Variants in DLGAP2 observed in about 807,000 individuals in gnomAD.
DLGAP2 encodes the protein disks large-associated protein 2.
DLGAP2 carries 26 observed loss-of-function variants against 100.3 expected under a neutral mutation model. That is an observed-to-expected ratio of 0.26 (90% confidence interval 0.19 to 0.36). The LOEUF (loss-of-function observed/expected upper bound fraction) is 0.36, where lower values mean the gene tolerates loss of function less well. Among genes scored for constraint, DLGAP2 ranks in the 10% least tolerant of loss-of-function variants. The pLI, the probability that DLGAP2 is intolerant of heterozygous loss-of-function variation, is 1.00. For synonymous variants in DLGAP2, 886 were observed against 630.1 expected, an observed-to-expected ratio of 1.41 and a Z score of -6.08; for missense variants, 1,858 against 1,453.2, an observed-to-expected ratio of 1.28 and a Z score of -4.53.
At position 1,279,312 on chromosome 8, in the gene DLGAP2, A is replaced by C. The variant is rs76861922; in HGVS notation, c.106+20429A>C. On this transcript the variant is annotated intron_variant, in intron 3 of 14. Transcript: ENST00000637795. ...TTCTTCACCTCAATTTCAATCCAAT[A>C]AAATTTTATAATTGCCTGCCATGAA... Among the ~76,000 whole-genome samples the C allele has an allele frequency of 7.4e-3, 1,120 of 152,342 alleles. 44 individuals carry two copies. The highest frequency in any genetic ancestry group is 0.061 in the Admixed American group (929 of 15,306).
intron 2 of DLGAP2, among the ~76,000 whole-genome samples, chr8:1,168,194 C>G (rs1040547481): frequency 6.6e-6 from 1 of 151,760 alleles, no homozygotes; most frequent in Non-Finnish European, 1.5e-5. Context: ...ATCCATGTCC[C>G]TAGAAAGGAC....
chr8:763,710 G>T (rs62485574), intron 1 of DLGAP2, among the ~76,000 whole-genome samples: 1 of 151,450 alleles, frequency 6.6e-6, no homozygotes, highest in East Asian at 1.9e-4. Context: ...TGTGTCCTTC[G>T]TCTCAAAGAC....
intron 2 of DLGAP2, among the ~76,000 whole-genome samples, chr8:1,143,237 G>T (rs547861960): frequency 4.7e-4 from 71 of 152,296 alleles, no homozygotes; most frequent in African/African-American, 1.7e-3. Context: ...CAATGTGCTG[G>T]AAAGGACAGA....
At chr8:1,122,751 T>C (rs921601970) in intron 2 of DLGAP2, among the ~76,000 whole-genome samples, 2 of 152,168 alleles carry the variant, frequency 1.3e-5, no homozygotes, top group African/African-American at 2.4e-5. Flanking sequence ...TCCCTTCATC[T>C]TCTTTTTTCT....
At chr8:1,680,804 A>G (rs1472995000) in intron 12 of DLGAP2, 1 of 152,258 alleles carries the variant, frequency 6.6e-6, no homozygotes, top group African/African-American at 2.4e-5. Context: ...TGTCTTAATT[A>G]TAAAAGGGAT....
At chr8:1,505,592 G>A (rs1799879461) in intron 4 of DLGAP2, among the ~76,000 whole-genome samples, 1 of 152,194 alleles carries the variant, frequency 6.6e-6, no homozygotes, top group African/African-American at 2.4e-5. Context: ...GGGGAAAATG[G>A]CTGTGAAATA....
rs116563269 is a variant in DLGAP2 at position 766,220 on chromosome 8, A to G, written c.18+28395A>G. On this transcript the variant is annotated intron_variant, in intron 1 of 14. Transcript: ENST00000637795. ...AATCCACACAACTCACATACATGCA[A>G]TCACACACAGCTGCACATACGTGCA... Among the ~76,000 whole-genome samples the G allele has an allele frequency of 5.4e-3, 827 of 152,296 alleles. 11 individuals carry two copies. The highest frequency in any genetic ancestry group is 0.018 in the African/African-American group (767 of 41,556).
chr8:1,067,096 GC>G (rs1308609792), intron 2 of DLGAP2, among the ~76,000 whole-genome samples: 2 of 152,100 alleles, frequency 1.3e-5, no homozygotes, highest in African/African-American at 4.8e-5. Flanking sequence ...TGGGTGGGTG[GC>G]TCTGACCCAG....
intron 2 of DLGAP2, among the ~76,000 whole-genome samples, chr8:1,241,985 T>C (rs948982051): frequency 2.6e-5 from 4 of 152,194 alleles, no homozygotes; most frequent in Non-Finnish European, 5.9e-5. Flanking sequence ...TGGCCCGAGA[T>C]GGTCTCTGAG....
intron 2 of DLGAP2, among the ~76,000 whole-genome samples, chr8:916,145 C>G (rs571280587): frequency 1.3e-5 from 2 of 152,216 alleles, no homozygotes; most frequent in Non-Finnish European, 2.9e-5. Flanking sequence ...TGTAGACGCT[C>G]CGCACTCTCT....
At chr8:1,045,503 A>G (rs1802490226) in intron 2 of DLGAP2, among the ~76,000 whole-genome samples, 1 of 152,152 alleles carries the variant, frequency 6.6e-6, no homozygotes, top group Non-Finnish European at 1.5e-5. Context: ...CTTGGATGAA[A>G]CCCTTAAAAT....
At chr8:1,656,607 G>A (rs529641823) in intron 8 of DLGAP2, among the ~76,000 whole-genome samples, 1 of 152,330 alleles carries the variant, frequency 6.6e-6, no homozygotes, top group Non-Finnish European at 1.5e-5. Context: ...AGGAAAGTCA[G>A]TTTTTACACA....
chr8:1,698,311 T>C (rs994741166), intron 14 of DLGAP2, among the ~76,000 whole-genome samples: 12 of 132,062 alleles, frequency 9.1e-5, no homozygotes, highest in South Asian at 2.7e-4. Context: ...TTAAACCATG[T>C]GTGGGACAGG....
intron 1 of DLGAP2, among the ~76,000 whole-genome samples, chr8:761,733 C>T (rs1585835372): frequency 6.6e-6 from 1 of 152,318 alleles, no homozygotes; most frequent in African/African-American, 2.4e-5. Context: ...AACGCGGAGC[C>T]AGCTCCCTCT....
chr8:1,676,716 C>G (rs994838440), intron 11 of DLGAP2, 98 bp downstream of exon 11: 1 of 1,225,976 alleles, frequency 8.2e-7, no homozygotes, highest in East Asian at 2.5e-5. Flanking sequence ...CTCAATCATG[C>G]CTGTCCTTGT....
chr8:1,172,449 A>C (rs967601983), intron 2 of DLGAP2, among the ~76,000 whole-genome samples: 17 of 152,154 alleles, frequency 1.1e-4, no homozygotes, highest in African/African-American at 3.6e-4. Context: ...AGATTGGGGA[A>C]GTTCTCCTGG....
At chr8:918,966 G>A (rs2129001009) in intron 2 of DLGAP2, among the ~76,000 whole-genome samples, 1 of 152,016 alleles carries the variant, frequency 6.6e-6, no homozygotes, top group South Asian at 2.1e-4. Context: ...TTTGAAACAG[G>A]GTCTCACTGT....
At chr8:1,177,858 A>C (rs1367417718) in intron 2 of DLGAP2, among the ~76,000 whole-genome samples, 1 of 152,130 alleles carries the variant, frequency 6.6e-6, no homozygotes, top group Admixed American at 6.5e-5. Flanking sequence ...CCCACCTCAT[A>C]ATACCACCAC....
At chr8:1,306,720 TAG>T (rs1800500263) in intron 3 of DLGAP2, among the ~76,000 whole-genome samples, 1 of 152,166 alleles carries the variant, frequency 6.6e-6, no homozygotes, top group African/African-American at 2.4e-5. Context: ...TGGAACAGAA[TAG>T]AGAGTCCAGA....
Sources: allele counts gnomAD v4.1 joint callset (sites outside exome capture counted in the v4.1 genomes callset), GRCh38; gene constraint gnomAD v4.1.1; transcripts MANE v1.5; gene names NCBI Gene and HGNC (gene_info 2026-07-23, HGNC 2026-07-21).